AKAP8: variants seen among roughly 807,000 people sequenced by gnomAD.
The protein encoded by AKAP8 is A-kinase anchoring protein 8.
AKAP8 carries 24 observed loss-of-function variants against 67.5 expected under a neutral mutation model. The observed-to-expected ratio is 0.36, with a 90% CI of 0.26 to 0.50. The LOEUF (loss-of-function observed/expected upper bound fraction) is 0.50, where lower values mean the gene tolerates loss of function less well. Ranked by LOEUF, AKAP8 falls within the 20% of genes least tolerant of loss-of-function variation. AKAP8 has a pLI of 0.97. For synonymous variants in AKAP8, 400 were observed against 371.1 expected (o/e 1.08, Z -0.90); for missense variants, 971 against 955.9 (o/e 1.02, Z -0.21).
intron 2 of AKAP8, among the ~76,000 whole-genome samples, chr19:15,375,331 C>T (rs1365681374): frequency 6.6e-6 from 1 of 152,210 alleles, no homozygotes; most frequent in East Asian, 1.9e-4. Context: ...CACTTCCCGC[C>T]TTGGCACAGC....
intron 2 of AKAP8, among the ~76,000 whole-genome samples, chr19:15,375,450 A>G (rs1967235527): frequency 6.6e-6 from 1 of 152,156 alleles, no homozygotes; most frequent in Non-Finnish European, 1.5e-5. Context: ...ACGTTTTTAA[A>G]TGGTTGGGGT....
intron 9 of AKAP8, among the ~76,000 whole-genome samples, chr19:15,365,315 A>G (rs1375339095): frequency 1.3e-5 from 2 of 152,250 alleles, no homozygotes; most frequent in East Asian, 3.8e-4. Context: ...ACGTAAAGAC[A>G]TGTCACATCA....
intron 9 of AKAP8, among the ~76,000 whole-genome samples, chr19:15,364,306 G>T (rs1395113443): frequency 7.1e-6 from 1 of 140,662 alleles, no homozygotes; most frequent in South Asian, 2.3e-4. Context: ...GGATTACAGG[G>T]GCCCGCCACC....
At chr19:15,363,518 G>A (rs1167766280) in intron 9 of AKAP8, among the ~76,000 whole-genome samples, 4 of 147,298 alleles carry the variant, frequency 2.7e-5, no homozygotes, top group Middle Eastern at 3.5e-3. Context: ...CAGCCGCACC[G>A]TCCGGGAGGG....
chr19:15,375,371 A>C (rs1568254797), intron 2 of AKAP8, among the ~76,000 whole-genome samples: 4 of 152,120 alleles, frequency 2.6e-5, no homozygotes, highest in African/African-American at 9.7e-5. Flanking sequence ...CGGTGCCCAT[A>C]AATAAGTACC....
Position 15,361,786 on chromosome 19 carries a change from G to A in AKAP8, c.1339C>T (p.Arg447Trp), listed in dbSNP as rs536847592. 21 of 1,614,016 alleles carry A rather than the reference G, an allele frequency of 1.3e-5. No homozygotes were observed. The South Asian group carries it at 1.8e-4, about 14-fold the overall frequency. ...IVNRNKKIEK[R>W]RQELMEKETA... is the part of the protein sequence containing the mutation. Reference sequence around the variant, plus strand: ...TCTTTCTCCATCAATTCCTGACGCCGCTTCTCAATTTTCTTATTTCTGTTT... The same window carrying A: ...TCTTTCTCCATCAATTCCTGACGCCACTTCTCAATTTTCTTATTTCTGTTT... The change falls in exon 11 of 14, where the codon CGG becomes TGG. Residue 447 changes from arginine (R) to tryptophan (W), a missense_variant. Transcript: ENST00000269701.
intron 13 of AKAP8, among the ~76,000 whole-genome samples, chr19:15,358,484 T>C (rs1267244805): frequency 6.6e-6 from 1 of 151,972 alleles, no homozygotes; most frequent in East Asian, 1.9e-4. Context: ...ACTATTGGCA[T>C]TACAGGCATG....
chr19:15,368,230 C>A lies in AKAP8; in HGVS notation c.1160+5G>T, dbSNP rs1207229911. On this transcript the variant is annotated splice_donor_5th_base_variant and intron_variant, in intron 9 of 13. Coordinates refer to ENST00000269701, the MANE Select transcript of AKAP8 (RefSeq NM_005858.4). ...CTCCTGTGGGGTCGTGTGCCCGCGC[C>A]TCACCTGTCGGCTGCACGGTCCCGC... 1.9e-6 allele frequency: 3 copies of A among 1,611,334 alleles called. No individual in the cohort carries two copies. In the African/African-American group the frequency reaches 4.0e-5, roughly 22 times the overall value.
chr19:15,361,088 C>G, intron 11 of AKAP8, 110 bp from the exon 12 acceptor site: 1 of 1,388,464 alleles, frequency 7.2e-7, no homozygotes, highest in East Asian at 2.4e-5. Context: ...ATCAGAAGGG[C>G]ACAGCCTGCC....
In AKAP8 at chr19:15,374,396, G is replaced by A. The variant is rs543762208; in HGVS notation, c.91+207C>T. 4.1e-4 allele frequency among the ~76,000 whole-genome samples: 63 copies of A among 152,288 alleles called. No homozygotes were observed. In the East Asian group the frequency reaches 0.01, roughly 24 times the overall value. On this transcript the variant is annotated intron_variant, in intron 3 of 13. Transcript: ENST00000269701. ...GGACCGCTGCTCCCAAAGCACGGTC[G>A]CAGTCCTCCCCATCATGCTCCCCTG...
chr19:15,366,530 CTTTTT>C (rs920471999), intron 9 of AKAP8, among the ~76,000 whole-genome samples: 1 of 142,502 alleles, frequency 7.0e-6, no homozygotes, highest in Admixed American at 7.0e-5. Flanking sequence ...CAGTGATTTT[CTTTTT>C]TTTTTTTTGT....
In AKAP8 at chr19:15,355,059, C is replaced by A. The variant is rs1387263962; in HGVS notation, c.1935G>T (p.Glu645Asp). The change falls in exon 14 of 14, where the codon GAG becomes GAT. Residue 645 changes from glutamate to aspartate, a missense_variant. Around this residue, in one of 3 missense-constraint regions of AKAP8, gnomAD observed 204 missense variants for 193.0 expected, o/e 1.06. Transcript: ENST00000269701. The part of the protein sequence containing the change: ...HEKGVPKARS[E>D]AAEAGNGAET... ...CGGCGCCATTTCCAGCCTCTGCAGC[C>A]TCACTTCTGGCCTTGGGGACGCCCT... 6.8e-6 allele frequency: 11 copies of A among 1,614,016 alleles called. No homozygotes were observed. The highest frequency in any genetic ancestry group is 9.3e-6 in the Non-Finnish European group (11 of 1,180,054).
chr19:15,370,406 C>A (rs1967135001), intron 7 of AKAP8, among the ~76,000 whole-genome samples: 3 of 152,068 alleles, frequency 2.0e-5, no homozygotes. Flanking sequence ...GTGACAATCA[C>A]CTTGCTAAAA....
chr19:15,368,189 C>G (rs372280993), intron 9 of AKAP8, 46 bp downstream of exon 9: 16 of 1,604,394 alleles, frequency 1.0e-5, no homozygotes, highest in Non-Finnish European at 1.3e-5. Context: ...GCGCCTCCAC[C>G]GCACGAGTCC....
rs1967120378 is a variant in AKAP8, at chr19:15,369,515, C to T, written c.1072+631G>A. Among the ~76,000 whole-genome samples, 1 of 152,222 alleles carries T rather than the reference C, an allele frequency of 6.6e-6. No individual in the cohort carries two copies. The highest frequency in any genetic ancestry group is 3.2e-3 in the Middle Eastern group (1 of 316). On this transcript the variant is annotated intron_variant, in intron 8 of 13. Coordinates refer to ENST00000269701, the MANE Select transcript of AKAP8 (RefSeq NM_005858.4). The surrounding 1 kb of genome is among the most constrained non-coding windows in gnomAD (Gnocchi z 4.6). ...CTCCAGGCCGCGGCACCTCAGGCCG[C>T]TCTGCCATGAGGGATTTAAGCCTGC...
Position 15,373,344 on chromosome 19 carries a change from C to CA in AKAP8, c.372-5dup, listed in dbSNP as rs1297164238. 1 of 1,601,106 alleles carries CA rather than the reference C, an allele frequency of 6.2e-7. No homozygotes were observed. Among genetic ancestry groups the CA allele is most frequent in the African/African-American group, 1.3e-5 (1 of 74,754 alleles). ...GAACGGCTGGAAGCGGAAGGAGCTG[C>CA]AACAGAAGCACAGCCCATCAGGGGC... On this transcript the variant is annotated splice_region_variant and splice_polypyrimidine_tract_variant and intron_variant, in intron 4 of 13. Transcript: ENST00000269701.
At chr19:15,355,508 A>G in intron 13 of AKAP8, 138 bp from the exon 14 acceptor site, 1 of 823,966 alleles carries the variant, frequency 1.2e-6, no homozygotes, top group Non-Finnish European at 1.9e-6. Context: ...AGTGAATCCT[A>G]CATGTTCTCA....
intron 11 of AKAP8, 26 bp from the exon 12 acceptor site, chr19:15,361,004 G>A (rs1177715442): frequency 3.1e-6 from 5 of 1,605,758 alleles, no homozygotes; most frequent in East Asian, 2.2e-5. Context: ...TGTCTTGTAG[G>A]ATCTGGGACA....
chr19:15,368,039 G>A (rs1003055821), intron 9 of AKAP8, among the ~76,000 whole-genome samples, 196 bp downstream of exon 9: 7 of 152,360 alleles, frequency 4.6e-5, no homozygotes, highest in African/African-American at 1.7e-4. Flanking sequence ...TAGAAGACAG[G>A]TAGCTCGTGT....
Sources: allele counts gnomAD v4.1 joint callset (sites outside exome capture counted in the v4.1 genomes callset), GRCh38; gene constraint gnomAD v4.1.1; regional missense constraint gnomAD v4.1.1; non-coding constraint Gnocchi (gnomAD v3.1); transcripts MANE v1.5; gene names NCBI Gene and HGNC (gene_info 2026-07-23, HGNC 2026-07-21).